The following ZNF736 variants were observed in gnomAD, a reference collection of about 807,000 sequenced individuals.
The protein encoded by ZNF736 is zinc finger protein 736, also known as KRAB-containing zinc-finger repressor protein.
Under a neutral mutation model 11.7 loss-of-function variants are expected in ZNF736, and 6 were observed. That is an observed-to-expected ratio of 0.51 (90% CI 0.28 to 1.01). ZNF736 has a LOEUF of 1.01. Ranked by LOEUF, ZNF736 falls within the 50% of genes least tolerant of loss-of-function variation. The probability of loss-of-function intolerance (pLI) is 0.09; values close to 1 mark genes in which losing one functional copy is unlikely to be tolerated. For missense variants in ZNF736, 444 were observed against 496.0 expected (o/e 0.90, Z 1.00); for synonymous variants, 139 against 164.7 (o/e 0.84, Z 1.19).
chr7:64,329,613 ATC>A lies in ZNF736; in HGVS notation c.4-6634_4-6633del, dbSNP rs760750110. Among the ~76,000 whole-genome samples, 327 of 151,590 alleles carry A rather than the reference ATC, an allele frequency of 2.2e-3. 2 individuals are homozygous for A. The highest frequency in any genetic ancestry group is 6.7e-3 in the South Asian group (32 of 4,790). ...TTTTACATTCTGCCAAATAAATGGA[ATC>A]TCTCTCTCTCTGCATGCTGAGCTAC... is the stretch of plus-strand genomic sequence containing the variant. On this transcript the variant is annotated intron_variant, in intron 1 of 3. Transcript: ENST00000423484.
rs75845363 is a variant in ZNF736 at position 64,325,321 on chromosome 7, A to G, written c.4-10938A>G. Among the ~76,000 whole-genome samples the G allele has an allele frequency of 1.0e-3, 154 of 152,298 alleles. 2 individuals carry two copies. The East Asian group carries it at 0.028, about 27-fold the overall frequency. Reference sequence around the variant, plus strand: ...CTTTCACCTATGAAGCACTCATCTTATTTCACTAGAGCTTTTGTCTCCTGG... The same window carrying G: ...CTTTCACCTATGAAGCACTCATCTTGTTTCACTAGAGCTTTTGTCTCCTGG... On this transcript the variant is annotated intron_variant, in intron 1 of 3. Transcript: ENST00000423484.
chr7:64,348,334 C>T lies in ZNF736; in HGVS notation c.471C>T (p.Cys157=), dbSNP rs762464230. 15 of 1,551,590 alleles carry T rather than the reference C, an allele frequency of 9.7e-6. No homozygotes were observed. The highest frequency in any genetic ancestry group is 1.2e-5 in the Non-Finnish European group (14 of 1,146,836). The change falls in exon 4 of 4, where the codon TGC becomes TGT. Residue 157 remains cysteine (C), a synonymous_variant. Transcript: ENST00000423484. ...CNKCGRGFQL[C]SIFTEHKDIF... is the part of the protein sequence containing the mutation. ...AATGTGGCAGAGGTTTTCAGTTGTG[C>T]TCAATCTTCACTGAACATAAAGACA...
chr7:64,319,649 C>T (rs1160555313), intron 1 of ZNF736, among the ~76,000 whole-genome samples: 1 of 151,102 alleles, frequency 6.6e-6, no homozygotes, highest in Admixed American at 6.6e-5. Context: ...GTGCCTGCCA[C>T]CACGCCTGGC....
rs567962245 is a variant in ZNF736, at chr7:64,343,183, T to C, written c.227-4907T>C. On this transcript the variant is annotated intron_variant, in intron 3 of 3. Transcript: ENST00000423484. ...ACTCTAGTTGCCCATCAGAGGTGGATTGGATAAAGAATATGTGGTACCTAT... is the reference window on the plus strand; with the variant it reads ...ACTCTAGTTGCCCATCAGAGGTGGACTGGATAAAGAATATGTGGTACCTAT... Among the ~76,000 whole-genome samples the C allele has an allele frequency of 5.1e-4, 77 of 152,212 alleles. 1 individual carries two copies. In the South Asian group the frequency reaches 0.015, roughly 30 times the overall value.
chr7:64,345,848 C>T lies in ZNF736; in HGVS notation c.227-2242C>T, dbSNP rs558048359. On this transcript the variant is annotated intron_variant, in intron 3 of 3. Coordinates refer to ENST00000423484, the MANE Select transcript of ZNF736 (RefSeq NM_001170905.3). ...TCCATTTGGACCATAAATAATTGTC[C>T]GTAAAATTTCAATTAAAAAAATTGT... Among the ~76,000 whole-genome samples, 18 of 151,358 alleles carry T rather than the reference C, an allele frequency of 1.2e-4. No individual in the cohort carries two copies. In the South Asian group the frequency reaches 1.3e-3, roughly 11 times the overall value.
At position 64,336,882 on chromosome 7, in the gene ZNF736, A is replaced by G; in HGVS notation, c.131-5A>G. 1 of 1,581,440 alleles carries G rather than the reference A, an allele frequency of 6.3e-7. No individual in the cohort carries two copies. The highest frequency in any genetic ancestry group is 8.6e-7 in the Non-Finnish European group (1 of 1,162,944). Reference sequence around the variant, plus strand: ...AGAGTCATGTTTTTTTTTCTAATAAAACAGGTCTTGCTATCTTTAAGCCAG... The same window carrying G: ...AGAGTCATGTTTTTTTTTCTAATAAGACAGGTCTTGCTATCTTTAAGCCAG... On this transcript the variant is annotated splice_region_variant and splice_polypyrimidine_tract_variant and intron_variant, in intron 2 of 3. Transcript: ENST00000423484.
intron 1 of ZNF736, among the ~76,000 whole-genome samples, chr7:64,333,046 C>T (rs1335734372): frequency 6.6e-6 from 1 of 152,072 alleles, no homozygotes; most frequent in Non-Finnish European, 1.5e-5. Flanking sequence ...CCTCAGCTTA[C>T]GAAGATAACA....
chr7:64,345,008 A>ATTT (rs1221240102), intron 3 of ZNF736, among the ~76,000 whole-genome samples: 1 of 133,570 alleles, frequency 7.5e-6, no homozygotes, highest in Non-Finnish European at 1.7e-5. Flanking sequence ...AGTAAAATTT[A>ATTT]TTTTATTATT....
At chr7:64,344,611 G>A (rs1330500588) in intron 3 of ZNF736, among the ~76,000 whole-genome samples, 3 of 152,082 alleles carry the variant, frequency 2.0e-5, no homozygotes, top group Non-Finnish European at 4.4e-5. Flanking sequence ...CTTTATAATA[G>A]ATATTAGAAG....
At position 64,348,096 on chromosome 7, in the gene ZNF736, C is replaced by G. The variant is rs1789435483; in HGVS notation, c.233C>G (p.Ser78Cys). Reference sequence around the variant, plus strand: ...TTTTATTTTTTTTCTCCAGCTGGTTCTTTTCATTTTACTGCAGAGATATTG... The same window carrying G: ...TTTTATTTTTTTTCTCCAGCTGGTTGTTTTCATTTTACTGCAGAGATATTG... ...QEAVAKHPAG[S>C]FHFTAEILPD... The change falls in exon 4 of 4, where the codon TCT (serine) becomes TGT (cysteine). Residue 78 changes from serine to cysteine, a missense_variant. Ser to Cys is a moderately radical substitution (Grantham distance 112). Coordinates refer to ENST00000423484, the MANE Select transcript of ZNF736 (RefSeq NM_001170905.3). 6.7e-7 allele frequency: 1 copy of G among 1,500,544 alleles called. No homozygotes were observed. The allele number at this position is 1,500,544 out of a possible 1,614,324, so 93.0% of individuals were successfully genotyped here.
At position 64,348,385 on chromosome 7, in the gene ZNF736, A is replaced by C; in HGVS notation, c.522A>C (p.Lys174Asn). 1 of 1,551,092 alleles carries C rather than the reference A, an allele frequency of 6.4e-7. No homozygotes were observed. Among genetic ancestry groups the C allele is most frequent in the Non-Finnish European group, 8.7e-7 (1 of 1,146,846 alleles). Residue 174 changes from lysine to asparagine, a missense_variant, in exon 4 of 4, where the codon AAA (lysine) becomes AAC (asparagine). Coordinates refer to ENST00000423484, the MANE Select transcript of ZNF736 (RefSeq NM_001170905.3). Reference protein sequence around the residue: ...KDIFSREKCHKCEECGKDCRL... With the variant: ...KDIFSREKCHNCEECGKDCRL... ...TTTTTAGCAGAGAGAAATGCCACAA[A>C]TGTGAAGAATGTGGCAAAGACTGTA...
intron 1 of ZNF736, among the ~76,000 whole-genome samples, chr7:64,319,327 GTATGTGTATATATATA>G (rs1788963804): frequency 1.5e-5 from 1 of 66,946 alleles, no homozygotes; most frequent in Non-Finnish European, 2.9e-5. Context: ...GTGTGTGTGT[GTATGTGTATATATATA>G]TATATATATA....
chr7:64,342,734 T>A (rs1393142450), intron 3 of ZNF736, among the ~76,000 whole-genome samples: 1 of 152,098 alleles, frequency 6.6e-6, no homozygotes. Context: ...GTATAAAAGG[T>A]AAACTAGATA....
chr7:64,345,889 G>GGT (rs1333940711), intron 3 of ZNF736, among the ~76,000 whole-genome samples: 52 of 152,172 alleles, frequency 3.4e-4, no homozygotes, highest in Admixed American at 9.8e-4. Flanking sequence ...CTTGTTTTGT[G>GGT]GTGTCACAGG....
In ZNF736 at chr7:64,314,442, G is replaced by T. The variant is rs531120721; in HGVS notation, c.3+289G>T. ...CTCGAGTCTCCCTCCTCCAGATTGT[G>T]TGGGGGTGTTGGGAGTGTCATAAGA... On this transcript the variant is annotated intron_variant, in intron 1 of 3. Coordinates refer to ENST00000423484, the MANE Select transcript of ZNF736 (RefSeq NM_001170905.3). Among the ~76,000 whole-genome samples, 2 of 152,322 alleles carry T rather than the reference G, an allele frequency of 1.3e-5. 1 individual carries two copies. Among genetic ancestry groups the T allele is most frequent in the South Asian group, 4.1e-4 (2 of 4,822 alleles).
chr7:64,318,840 TA>T (rs1355996281), intron 1 of ZNF736, among the ~76,000 whole-genome samples: 2 of 152,130 alleles, frequency 1.3e-5, no homozygotes, highest in Non-Finnish European at 2.9e-5. Flanking sequence ...GAGTTCATTG[TA>T]AAAGGGAGTA....
intron 1 of ZNF736, among the ~76,000 whole-genome samples, chr7:64,318,736 T>C (rs551737555): frequency 6.6e-6 from 1 of 152,290 alleles, no homozygotes; most frequent in East Asian, 1.9e-4. Flanking sequence ...TTCAGTACCA[T>C]GTAGATAATA....
chr7:64,336,854 G>T, intron 2 of ZNF736, 33 bp from the exon 3 acceptor site: 1 of 1,512,674 alleles, frequency 6.6e-7, no homozygotes, highest in South Asian at 1.2e-5. Flanking sequence ...GATTATCCTA[G>T]CAAGAGTCAT....
At chr7:64,338,598 TTGTC>T (rs1270358847) in intron 3 of ZNF736, among the ~76,000 whole-genome samples, 1 of 152,160 alleles carries the variant, frequency 6.6e-6, no homozygotes, top group African/African-American at 2.4e-5. Flanking sequence ...CATACAGTAT[TTGTC>T]TGTTTCTGTG....
Sources: gnomAD v4.1 joint callset for allele counts (sites outside exome capture counted in the v4.1 genomes callset) on GRCh38, gnomAD v4.1.1 for gene constraint, MANE v1.5 for transcripts, NCBI Gene and HGNC (gene_info 2026-07-23, HGNC 2026-07-21) for gene names.